Variants in NLK observed in about 807,000 individuals in gnomAD.
The protein encoded by NLK is serine/threonine-protein kinase NLK.
Under a neutral mutation model 59.0 loss-of-function variants are expected in NLK, and 11 were observed. That is an observed-to-expected ratio of 0.19 (90% confidence interval 0.12 to 0.31). The LOEUF (loss-of-function observed/expected upper bound fraction) is 0.31. Among genes scored for constraint, NLK ranks in the 10% least tolerant of loss-of-function variants. NLK has a pLI of 1.00. For synonymous variants in NLK, 235 were observed against 235.9 expected (o/e 1.00, Z 0.03); for missense variants, 410 against 661.1 (o/e 0.62, Z 4.16).
At chr17:28,056,134 G>A (rs890346162) in intron 1 of NLK, among the ~76,000 whole-genome samples, 4 of 152,198 alleles carry the variant, frequency 2.6e-5, no homozygotes, top group Non-Finnish European at 5.9e-5. Context: ...GGGTGTGTTT[G>A]TAGTATTATT....
At chr17:28,201,831 C>T in the NLK span, among the ~76,000 whole-genome samples, 8 of 152,124 alleles carry the variant, frequency 5.3e-5, no homozygotes, top group Non-Finnish European at 8.8e-5. Flanking sequence ...GCCTAGCCAA[C>T]ATGGCGAAAC....
intron 1 of NLK, among the ~76,000 whole-genome samples, chr17:28,090,198 T>C (rs1221284844): frequency 2.0e-5 from 3 of 152,258 alleles, no homozygotes; most frequent in Non-Finnish European, 4.4e-5. Flanking sequence ...ATTGGTATTA[T>C]ACTATTTTAT....
At chr17:28,198,316 T>C (rs1909535686), downstream of NLK, among the ~76,000 whole-genome samples, 1 of 151,938 alleles carries the variant, frequency 6.6e-6, no homozygotes, top group Admixed American at 6.6e-5. Flanking sequence ...CGTATACTTT[T>C]AAGAGAGTCA....
intron 1 of NLK, among the ~76,000 whole-genome samples, chr17:28,083,889 G>A (rs763873922): frequency 9.2e-5 from 14 of 152,154 alleles, no homozygotes; most frequent in Admixed American, 3.3e-4. Flanking sequence ...CCACAGAGGA[G>A]TGGTTTAAGT....
At chr17:28,099,870 G>T (rs1412555529) in intron 1 of NLK, among the ~76,000 whole-genome samples, 1 of 152,220 alleles carries the variant, frequency 6.6e-6, no homozygotes, top group African/African-American at 2.4e-5. Context: ...GAGCCACCGC[G>T]CCCGGCCTTG....
At position 28,191,033 on chromosome 17, in the gene NLK, T is replaced by A. The variant is rs1160396760; in HGVS notation, c.1249T>A (p.Ser417Thr). The A allele has an allele frequency of 6.3e-7, 1 of 1,595,516 alleles. No individual in the cohort carries two copies. Among genetic ancestry groups the A allele is most frequent in the African/African-American group, 1.4e-5 (1 of 74,058 alleles). Reference sequence around the variant, plus strand: ...AATTTGATTTCAGTCCAAAAGAATATCCGCTAAGGATGCCTTAGCCCACCC... The same window carrying A: ...AATTTGATTTCAGTCCAAAAGAATAACCGCTAAGGATGCCTTAGCCCACCC... The part of the protein sequence containing the change: ...MLVFDPSKRI[S>T]AKDALAHPYL... The change falls in exon 9 of 11, where the codon TCC (serine) becomes ACC (threonine). Residue 417 changes from serine to threonine, a missense_variant. Ser to Thr is a moderately conservative substitution (Grantham distance 58, BLOSUM62 1). Coordinates refer to ENST00000407008, the MANE Select transcript of NLK (RefSeq NM_016231.5).
At chr17:28,181,822 G>A (rs1292451910) in intron 7 of NLK, among the ~76,000 whole-genome samples, 1 of 152,072 alleles carries the variant, frequency 6.6e-6, no homozygotes, top group Admixed American at 6.5e-5. Flanking sequence ...ATCAGCCTGG[G>A]CAATGTCACG....
At chr17:28,199,483 TG>T (rs1332521121), downstream of NLK, among the ~76,000 whole-genome samples, 5 of 151,708 alleles carry the variant, frequency 3.3e-5, no homozygotes, top group Admixed American at 1.3e-4. Flanking sequence ...CTGGCCAAAA[TG>T]GTGAAAACCC....
At chr17:28,122,788 A>C in intron 2 of NLK, 56 bp downstream of exon 2, 2 of 1,596,200 alleles carry the variant, frequency 1.3e-6, no homozygotes, top group Non-Finnish European at 1.7e-6. Flanking sequence ...GCATTGAATT[A>C]GTAAAGAGCA....
At position 28,195,778 on chromosome 17, in the gene NLK, C is replaced by T. The variant is rs1567744471; in HGVS notation, c.*1142C>T. The T allele has an allele frequency of 6.6e-6, 1 of 152,080 alleles. No individual in the cohort carries two copies. Among genetic ancestry groups the T allele is most frequent in the South Asian group, 2.1e-4 (1 of 4,808 alleles). The allele number at this position is 152,080 out of a possible 1,614,324, so 9.4% of individuals were successfully genotyped here. A position where few individuals can be genotyped will look rare whatever the true frequency, so the allele number is the denominator to read the frequency against. ...TACCTCCTGGAGTTATACAACTTGGCTTGTTTACCTCCACATGCTGATGAT... is the reference window on the plus strand; with the variant it reads ...TACCTCCTGGAGTTATACAACTTGGTTTGTTTACCTCCACATGCTGATGAT... On this transcript the variant is annotated 3_prime_UTR_variant, in exon 11 of 11. Transcript: ENST00000407008.
chr17:28,137,331 T>TA (rs1906796968), intron 3 of NLK, among the ~76,000 whole-genome samples: 1 of 152,222 alleles, frequency 6.6e-6, no homozygotes, highest in Non-Finnish European at 1.5e-5. Context: ...GGTTCTTTAA[T>TA]ACTTAGTTGA....
chr17:28,131,215 G>A (rs1019448113), intron 2 of NLK, among the ~76,000 whole-genome samples: 16 of 152,064 alleles, frequency 1.1e-4, no homozygotes, highest in Middle Eastern at 3.4e-3. Flanking sequence ...AAGAGGAAAC[G>A]GAAAAGAGAT....
chr17:28,091,475 T>TTATA (rs58232588), intron 1 of NLK, among the ~76,000 whole-genome samples: 9 of 148,622 alleles, frequency 6.1e-5, no homozygotes, highest in South Asian at 2.1e-4. Flanking sequence ...ATAATTATAT[T>TTATA]TATATATATA....
At chr17:28,125,992 A>G (rs193176467) in intron 2 of NLK, among the ~76,000 whole-genome samples, 36 of 152,334 alleles carry the variant, frequency 2.4e-4, no homozygotes, top group Middle Eastern at 3.4e-3. Context: ...GGTGGCACAG[A>G]TTGGACTGTA....
rs58232588 is a variant in NLK at position 28,091,475 on chromosome 17, T to TTA, written c.459-31113_459-31112dup. Among the ~76,000 whole-genome samples the TTA allele has an allele frequency of 4.7e-3, 692 of 148,660 alleles. 3 individuals are homozygous for TTA. The highest frequency in any genetic ancestry group is 7.0e-3 in the Middle Eastern group (2 of 284). On this transcript the variant is annotated intron_variant, in intron 1 of 10. Coordinates refer to ENST00000407008, the MANE Select transcript of NLK (RefSeq NM_016231.5). ...ACATGTCTAAAATATATAATTATAT[T>TTA]TATATATATATATATACACACACAC...
chr17:28,146,493 ACT>A (rs1442758936), intron 3 of NLK, among the ~76,000 whole-genome samples: 1 of 152,076 alleles, frequency 6.6e-6, no homozygotes, highest in Non-Finnish European at 1.5e-5. Context: ...CCTAGCAGTA[ACT>A]CTGTGTAGTA....
At chr17:28,202,890 G>A in the NLK span, among the ~76,000 whole-genome samples, 5 of 151,186 alleles carry the variant, frequency 3.3e-5, no homozygotes, top group Non-Finnish European at 5.9e-5. Flanking sequence ...CGCCATGTTG[G>A]CCAGGCTGGT....
intron 7 of NLK, among the ~76,000 whole-genome samples, chr17:28,182,778 C>T (rs1423903090): frequency 1.3e-5 from 2 of 151,970 alleles, no homozygotes; most frequent in African/African-American, 4.8e-5. Flanking sequence ...TGCCCTGACC[C>T]TAAAGTGGTA....
the NLK span, among the ~76,000 whole-genome samples, chr17:28,203,175 A>G: frequency 6.6e-6 from 1 of 150,880 alleles, no homozygotes; most frequent in African/African-American, 2.4e-5. Context: ...ACACACACAC[A>G]CACACACACA....
Sources: allele counts gnomAD v4.1 joint callset (sites outside exome capture counted in the v4.1 genomes callset), GRCh38; gene constraint gnomAD v4.1.1; transcripts MANE v1.5; gene names NCBI Gene and HGNC (gene_info 2026-07-23, HGNC 2026-07-21).